Variants in ADAM12 observed in about 807,000 individuals in gnomAD.
The protein encoded by ADAM12 is disintegrin and metalloproteinase domain-containing protein 12.
In ADAM12, 70 loss-of-function variants were observed where a neutral mutation model predicts 106.4. The ratio of observed to expected loss-of-function variants is 0.66; its 90% CI spans 0.54 to 0.80. ADAM12 has a LOEUF of 0.80. Ranked by LOEUF, ADAM12 falls within the 30% of genes least tolerant of loss-of-function variation. The pLI, the probability that ADAM12 is intolerant of heterozygous loss-of-function variation, is 0.00. For synonymous variants in ADAM12, 420 were observed against 433.5 expected (o/e 0.97, Z 0.39); for missense variants, 1,010 against 1,171.9 (o/e 0.86, Z 2.02).
At chr10:126,235,610 G>A (rs918817274) in intron 3 of ADAM12, among the ~76,000 whole-genome samples, 3 of 152,126 alleles carry the variant, frequency 2.0e-5, no homozygotes, top group Non-Finnish European at 2.9e-5. Context: ...GCGGCACACC[G>A]TCCAGCCCAG....
At chr10:126,210,802 A>C (rs1415871943) in intron 3 of ADAM12, among the ~76,000 whole-genome samples, 1 of 152,102 alleles carries the variant, frequency 6.6e-6, no homozygotes, top group Non-Finnish European at 1.5e-5. Context: ...TCTGGACATT[A>C]AGGGAGGCTG....
intron 21 of ADAM12, among the ~76,000 whole-genome samples, chr10:126,032,787 C>T (rs1953993348): frequency 6.6e-6 from 1 of 152,142 alleles, no homozygotes; most frequent in Non-Finnish European, 1.5e-5. Flanking sequence ...AGGGCATGCT[C>T]ACCACCTTCC....
chr10:126,221,618 C>G lies in ADAM12; in HGVS notation c.260+57297G>C, dbSNP rs192964152. 5.3e-5 allele frequency among the ~76,000 whole-genome samples: 8 copies of G among 152,260 alleles called. No homozygotes were observed. The East Asian group carries it at 1.5e-3, about 29-fold the overall frequency. ...AAAATCTCTTCACCATCTGTCTTCT[C>G]TCTCACTTAAGGAATAGGAATTTGG... On this transcript the variant is annotated intron_variant, in intron 3 of 22. Coordinates refer to ENST00000448723, the MANE Select transcript of ADAM12 (RefSeq NM_001288973.2).
chr10:126,348,040 G>T (rs142202441), intron 1 of ADAM12, among the ~76,000 whole-genome samples: 198 of 152,318 alleles, frequency 1.3e-3, no homozygotes, highest in African/African-American at 4.4e-3. Flanking sequence ...GGAGTACAGG[G>T]TGCTTAACCC....
intron 14 of ADAM12, among the ~76,000 whole-genome samples, chr10:126,055,460 G>A (rs1209644909): frequency 6.6e-6 from 1 of 152,208 alleles, no homozygotes; most frequent in African/African-American, 2.4e-5. Context: ...TTAAAGTATG[G>A]TGCTGGATAC....
At chr10:126,245,129 C>T (rs886340471) in intron 3 of ADAM12, among the ~76,000 whole-genome samples, 2 of 152,216 alleles carry the variant, frequency 1.3e-5, no homozygotes, top group African/African-American at 4.8e-5. Flanking sequence ...CCTCGCCAGC[C>T]TCGGGGAACC....
rs944819773 is a variant in ADAM12 at position 126,043,979 on chromosome 10, C to A, written c.1996-831G>T. Among the ~76,000 whole-genome samples the A allele has an allele frequency of 1.3e-5, 2 of 152,154 alleles. No homozygotes were observed. The highest frequency in any genetic ancestry group is 4.8e-5 in the African/African-American group (2 of 41,442). On this transcript the variant is annotated intron_variant, in intron 17 of 22. Transcript: ENST00000448723. The surrounding 1 kb of genome is among the most constrained non-coding windows in gnomAD (Gnocchi z 4.1). ...GCATTCCATGCAGGGGCCAGCAGCCCCTGCCCACCTGGTTACCAAGGGCTA... is the reference window on the plus strand; with the variant it reads ...GCATTCCATGCAGGGGCCAGCAGCCACTGCCCACCTGGTTACCAAGGGCTA...
intron 10 of ADAM12, among the ~76,000 whole-genome samples, chr10:126,095,803 TCTGTAA>T (rs1456255791): frequency 2.0e-5 from 3 of 152,136 alleles, no homozygotes; most frequent in South Asian, 2.1e-4. Flanking sequence ...CTTCTCAGCC[TCTGTAA>T]CTGTAAGAAA....
chr10:126,179,502 G>A (rs1957276101), intron 3 of ADAM12, among the ~76,000 whole-genome samples: 1 of 152,174 alleles, frequency 6.6e-6, no homozygotes, highest in African/African-American at 2.4e-5. Context: ...ATGCAATTTA[G>A]AACTGTTTTG....
Position 126,175,737 on chromosome 10 carries a change from A to C in ADAM12, c.261-20432T>G, listed in dbSNP as rs139414335. Among the ~76,000 whole-genome samples the C allele has an allele frequency of 4.7e-4, 72 of 152,328 alleles. 2 individuals carry two copies. Among genetic ancestry groups the C allele is most frequent in the Admixed American group, 1.7e-3 (26 of 15,302 alleles). On this transcript the variant is annotated intron_variant, in intron 3 of 22. Coordinates refer to ENST00000448723, the MANE Select transcript of ADAM12 (RefSeq NM_001288973.2). The stretch of plus-strand genomic sequence containing the variant: ...GAAAGAGTCTGCTCGTTCCATCGGA[A>C]TGCCCAGAAGAGCAGGGGCTTCCAC...
At chr10:126,272,367 T>C (rs952509052) in intron 3 of ADAM12, among the ~76,000 whole-genome samples, 2 of 152,234 alleles carry the variant, frequency 1.3e-5, no homozygotes, top group African/African-American at 4.8e-5. Flanking sequence ...GATGGCAGAT[T>C]AGGCCAATGT....
chr10:126,121,826 G>A (rs551722502), intron 5 of ADAM12, among the ~76,000 whole-genome samples: 3 of 152,094 alleles, frequency 2.0e-5, no homozygotes, highest in South Asian at 2.1e-4. Flanking sequence ...GTATCTCAAC[G>A]CTCAAATGAT....
chr10:126,109,176 T>A (rs1356665967), intron 7 of ADAM12, among the ~76,000 whole-genome samples: 1 of 152,224 alleles, frequency 6.6e-6, no homozygotes, highest in African/African-American at 2.4e-5. Flanking sequence ...TGAAAAATAG[T>A]CAAGCCTGTT....
intron 4 of ADAM12, among the ~76,000 whole-genome samples, chr10:126,138,800 T>G (rs1278334): frequency 8.4e-6 from 1 of 118,906 alleles, no homozygotes; most frequent in Non-Finnish European, 1.9e-5. Context: ...CCTAAGGTCA[T>G]AAAGATCTAC....
chr10:126,337,230 G>A (rs1303787736), intron 1 of ADAM12, among the ~76,000 whole-genome samples: 1 of 152,188 alleles, frequency 6.6e-6, no homozygotes, highest in South Asian at 2.1e-4. Flanking sequence ...CCTTCAGTCT[G>A]CAGCCAAAGG....
intron 3 of ADAM12, among the ~76,000 whole-genome samples, chr10:126,211,166 T>C (rs1325420051): frequency 6.6e-6 from 1 of 152,106 alleles, no homozygotes; most frequent in African/African-American, 2.4e-5. Context: ...CTGGAGGTGA[T>C]GCCATAGAAA....
At chr10:126,100,246 G>A (rs80182850) in intron 9 of ADAM12, among the ~76,000 whole-genome samples, 4,130 of 152,146 alleles carry the variant, frequency 0.027, 127 homozygotes, top group East Asian at 0.084. Context: ...AATGTGCTAT[G>A]CTTCCCGGTA....
At chr10:126,300,783 A>G (rs902244491) in intron 2 of ADAM12, among the ~76,000 whole-genome samples, 3 of 152,194 alleles carry the variant, frequency 2.0e-5, no homozygotes, top group Non-Finnish European at 1.5e-5. Context: ...GTAAAAGGCT[A>G]CATAGGTTGA....
chr10:126,155,288 C>G lies in ADAM12; in HGVS notation c.278G>C (p.Ser93Thr), dbSNP rs746679193. The change falls in exon 4 of 23, where the codon AGT becomes ACT. Residue 93 changes from serine to threonine, a missense_variant. Ser to Thr is a moderately conservative substitution (Grantham distance 58, BLOSUM62 1). Transcript: ENST00000448723. Reference protein sequence around the residue: ...LERNEGLIASSFTETHYLQDG... With the variant: ...LERNEGLIASTFTETHYLQDG... ...TTGCAGATAGTGGGTTTCCGTGAAACTGCTGGCAATGAGACCTCTGCGGAA... is the reference window on the plus strand; with the variant it reads ...TTGCAGATAGTGGGTTTCCGTGAAAGTGCTGGCAATGAGACCTCTGCGGAA... The G allele has an allele frequency of 6.8e-6, 11 of 1,613,948 alleles. No individual in the cohort carries two copies. In the African/African-American group the frequency reaches 1.2e-4, roughly 18 times the overall value.
Sources: allele counts gnomAD v4.1 joint callset (sites outside exome capture counted in the v4.1 genomes callset), GRCh38; gene constraint gnomAD v4.1.1; non-coding constraint Gnocchi (gnomAD v3.1); transcripts MANE v1.5; gene names NCBI Gene and HGNC (gene_info 2026-07-23, HGNC 2026-07-21).